Variants in PLCB1 observed in about 807,000 individuals in gnomAD.
PLCB1 encodes the protein phospholipase C beta 1, also known as 1-phosphatidylinositol 4,5-bisphosphate phosphodiesterase beta-1.
A neutral mutation model predicts 161.8 loss-of-function variants in PLCB1; 46 were observed. The observed-to-expected ratio is 0.28, with a 90% CI of 0.22 to 0.36. The LOEUF (loss-of-function observed/expected upper bound fraction) is 0.36, where lower values mean the gene tolerates loss of function less well. Ranked by LOEUF, PLCB1 falls within the 10% of genes least tolerant of loss-of-function variation. PLCB1 has a pLI of 1.00. For synonymous variants in PLCB1, 517 were observed against 503.7 expected, an observed-to-expected ratio of 1.03 and a Z score of -0.35; for missense variants, 1,016 against 1,472.5, an observed-to-expected ratio of 0.69 and a Z score of 5.07.
At chr20:8,570,774 A>T (rs1382686640) in intron 3 of PLCB1, among the ~76,000 whole-genome samples, 2 of 152,216 alleles carry the variant, frequency 1.3e-5, no homozygotes, top group East Asian at 3.8e-4. Context: ...TGAAGTAACT[A>T]AAGCAAGGTG....
chr20:8,650,353 C>T (rs913407419), intron 7 of PLCB1, among the ~76,000 whole-genome samples: 6 of 152,066 alleles, frequency 3.9e-5, no homozygotes, highest in Non-Finnish European at 7.4e-5. Flanking sequence ...GAATTACCAC[C>T]GCTTTCCACG....
In PLCB1 at chr20:8,633,904, T is replaced by A. The variant is rs562529784; in HGVS notation, c.384+5473T>A. On this transcript the variant is annotated intron_variant, in intron 4 of 31. Coordinates refer to ENST00000338037, the MANE Select transcript of PLCB1 (RefSeq NM_015192.4). ...TAAAGTCTTTTTGGTCTGACTTCTA[T>A]TATTCAACATTATATTATGAGATTT... is the stretch of plus-strand genomic sequence containing the variant. Among the ~76,000 whole-genome samples the A allele has an allele frequency of 4.6e-5, 7 of 152,328 alleles. No individual in the cohort carries two copies. The South Asian group carries it at 1.4e-3, about 32-fold the overall frequency.
At chr20:8,509,982 T>C (rs1368893235) in intron 3 of PLCB1, among the ~76,000 whole-genome samples, 1 of 152,232 alleles carries the variant, frequency 6.6e-6, no homozygotes, top group Admixed American at 6.5e-5. Flanking sequence ...TCAGAGGCTA[T>C]ATTGTGAAAC....
At chr20:8,180,244 A>C (rs1189868834) in intron 2 of PLCB1, among the ~76,000 whole-genome samples, 2 of 152,180 alleles carry the variant, frequency 1.3e-5, no homozygotes, top group Non-Finnish European at 2.9e-5. Flanking sequence ...TATTTATGTG[A>C]TAAATCACAT....
chr20:8,319,220 T>C (rs1457602890), intron 2 of PLCB1, among the ~76,000 whole-genome samples: 4 of 152,198 alleles, frequency 2.6e-5, no homozygotes, highest in Non-Finnish European at 4.4e-5. Context: ...GCATAACTAA[T>C]TACTCCCAAC....
At chr20:8,812,091 T>G (rs1354220255) in intron 31 of PLCB1, among the ~76,000 whole-genome samples, 1 of 152,050 alleles carries the variant, frequency 6.6e-6, no homozygotes, top group African/African-American at 2.4e-5. Context: ...TTTAACTTCT[T>G]CTAACATGGA....
At chr20:8,410,620 C>A (rs561378555) in intron 3 of PLCB1, among the ~76,000 whole-genome samples, 1 of 152,046 alleles carries the variant, frequency 6.6e-6, no homozygotes, top group African/African-American at 2.4e-5. Flanking sequence ...GCCCATGCAA[C>A]CTGCTTTTTT....
chr20:8,403,559 A>G (rs1978655382), intron 3 of PLCB1, among the ~76,000 whole-genome samples: 1 of 152,196 alleles, frequency 6.6e-6, no homozygotes, highest in South Asian at 2.1e-4. Context: ...AAGGCTTCAC[A>G]GAGAAGGAAG....
At chr20:8,450,596 G>A (rs1050416654) in intron 3 of PLCB1, among the ~76,000 whole-genome samples, 5 of 151,992 alleles carry the variant, frequency 3.3e-5, no homozygotes, top group Admixed American at 2.0e-4. Context: ...AGGTAGCTTT[G>A]ATCAGTGCTT....
chr20:8,799,447 G>A (rs1385155125), intron 31 of PLCB1, among the ~76,000 whole-genome samples: 1 of 152,156 alleles, frequency 6.6e-6, no homozygotes, highest in Non-Finnish European at 1.5e-5. Context: ...CTGTGTGCCT[G>A]TCATTGGGCA....
At chr20:8,507,149 A>G (rs1248025688) in intron 3 of PLCB1, among the ~76,000 whole-genome samples, 1 of 152,202 alleles carries the variant, frequency 6.6e-6, no homozygotes, top group Non-Finnish European at 1.5e-5. Flanking sequence ...TATATTTACT[A>G]TTAGTTAAGT....
Position 8,722,366 on chromosome 20 carries a change from C to A in PLCB1, c.1526C>A (p.Thr509Lys). Residue 509 changes from threonine (T) to lysine (K), a missense_variant, in exon 15 of 32, where the codon ACG (threonine) becomes AAG (lysine). By Grantham distance (78) the Thr-to-Lys change is moderately conservative. Coordinates refer to ENST00000338037, the MANE Select transcript of PLCB1 (RefSeq NM_015192.4). The part of the protein sequence containing the change: ...PSSPGAGEAD[T>K]ESDDDDDDDD... ...TAAAATTTGACAGGAGAAGCTGATA[C>A]GGAAAGTGACGACGACGATGATGAT... The A allele has an allele frequency of 6.2e-7, 1 of 1,610,582 alleles. No individual in the cohort carries two copies. Among genetic ancestry groups the A allele is most frequent in the Non-Finnish European group, 8.5e-7 (1 of 1,178,462 alleles).
intron 18 of PLCB1, 107 bp from the exon 19 acceptor site, chr20:8,733,131 G>C (rs897093139): frequency 8.9e-7 from 1 of 1,122,258 alleles, no homozygotes; most frequent in Non-Finnish European, 1.3e-6. Context: ...CTCTTCCAAG[G>C]GAATACAGTC....
chr20:8,742,851 C>G (rs571852990), intron 23 of PLCB1, among the ~76,000 whole-genome samples: 1 of 152,058 alleles, frequency 6.6e-6, no homozygotes, highest in Non-Finnish European at 1.5e-5. Flanking sequence ...ATATATGTTA[C>G]GGGGTGCATT....
At chr20:8,544,963 C>T (rs910178272) in intron 3 of PLCB1, among the ~76,000 whole-genome samples, 2 of 152,152 alleles carry the variant, frequency 1.3e-5, no homozygotes, top group Non-Finnish European at 2.9e-5. Context: ...TTTTGAGCAT[C>T]TGCTACTGAG....
intron 3 of PLCB1, among the ~76,000 whole-genome samples, chr20:8,620,526 G>C (rs1249252985): frequency 1.3e-5 from 2 of 151,880 alleles, no homozygotes; most frequent in African/African-American, 4.8e-5. Flanking sequence ...GATCACTTGA[G>C]GCCAGGAGTT....
intron 3 of PLCB1, among the ~76,000 whole-genome samples, chr20:8,544,121 C>T (rs899096870): frequency 2.0e-5 from 3 of 152,162 alleles, no homozygotes; most frequent in South Asian, 2.1e-4. Flanking sequence ...CTCAGCATCA[C>T]GCAGTATACC....
chr20:8,872,027 C>G (rs1426538872), intron 31 of PLCB1, among the ~76,000 whole-genome samples: 4 of 152,048 alleles, frequency 2.6e-5, no homozygotes, highest in Admixed American at 2.0e-4. Context: ...CATTCTAAAC[C>G]CTATGTGGAG....
chr20:8,802,676 ACTTTATT>A (rs1361645631), intron 31 of PLCB1, among the ~76,000 whole-genome samples: 5 of 152,154 alleles, frequency 3.3e-5, no homozygotes, highest in African/African-American at 1.2e-4. Context: ...AGCAAAATTT[ACTTTATT>A]CCCACATGGT....
Sources: allele counts gnomAD v4.1 joint callset (sites outside exome capture counted in the v4.1 genomes callset), GRCh38; gene constraint gnomAD v4.1.1; transcripts MANE v1.5; gene names NCBI Gene and HGNC (gene_info 2026-07-23, HGNC 2026-07-21).